Variants in BAZ2B observed in about 807,000 individuals in gnomAD.
The protein encoded by BAZ2B is bromodomain adjacent to zinc finger domain protein 2B.
Under a neutral mutation model 246.0 loss-of-function variants are expected in BAZ2B, and 91 were observed. The ratio of observed to expected loss-of-function variants is 0.37; its 90% CI spans 0.31 to 0.44. BAZ2B has a LOEUF of 0.44. Ranked by LOEUF, BAZ2B falls within the 20% of genes least tolerant of loss-of-function variation. The probability of loss-of-function intolerance (pLI) is 1.00; values close to 1 mark genes in which losing one functional copy is unlikely to be tolerated. For missense variants in BAZ2B, 2,332 were observed against 2,533.7 expected, an observed-to-expected ratio of 0.92 and a Z score of 1.71; for synonymous variants, 855 against 860.0, an observed-to-expected ratio of 0.99 and a Z score of 0.10.
intron 2 of BAZ2B, among the ~76,000 whole-genome samples, chr2:159,495,764 A>G (rs1260565552): frequency 6.7e-6 from 1 of 148,278 alleles, no homozygotes; most frequent in African/African-American, 2.5e-5. Flanking sequence ...TTTTAATCGA[A>G]GAAGAAATAC....
chr2:159,592,936 C>T (rs1422498456), intron 1 of BAZ2B, among the ~76,000 whole-genome samples: 1 of 152,132 alleles, frequency 6.6e-6, no homozygotes, highest in African/African-American at 2.4e-5. Flanking sequence ...TCTTATTCAT[C>T]TCTTTATTCC....
chr2:159,393,444 G>A lies in BAZ2B; in HGVS notation c.3075+2325C>T, dbSNP rs78945880. Among the ~76,000 whole-genome samples the A allele has an allele frequency of 4.9e-4, 75 of 152,208 alleles. No homozygotes were observed. The East Asian group carries it at 0.011, about 23-fold the overall frequency. ...TATTTTGGTTTAATATTTTAACACA[G>A]TTGCCCTGCCATTTCTTTTCAAAGT... is the stretch of plus-strand genomic sequence containing the variant. On this transcript the variant is annotated intron_variant, in intron 20 of 36. Transcript: ENST00000392783.
chr2:159,448,263 T>G lies in BAZ2B; in HGVS notation c.481A>C (p.Asn161His), dbSNP rs1181058528. The change falls in exon 5 of 37, where the codon AAT (asparagine) becomes CAT (histidine). Residue 161 changes from asparagine to histidine, a missense_variant. This residue lies in a region of BAZ2B where 242 missense variants were observed against 237.4 expected (regional missense o/e 1.02). Transcript: ENST00000392783. ...SFHSRTSGKS[N>H]RNGPEKGVNG... is the part of the protein sequence containing the mutation. The stretch of plus-strand genomic sequence containing the variant: ...ATACCTTTTTCGGGACCATTTCGAT[T>G]ACTTTTTCCCGAAGTCCTTGAATGG... 1 of 1,612,566 alleles carries G rather than the reference T, an allele frequency of 6.2e-7. No homozygotes were observed. The highest frequency in any genetic ancestry group is 1.3e-5 in the African/African-American group (1 of 74,944).
chr2:159,421,364 G>A (rs2068715331), intron 13 of BAZ2B, among the ~76,000 whole-genome samples: 1 of 151,820 alleles, frequency 6.6e-6, no homozygotes, highest in Non-Finnish European at 1.5e-5. Context: ...TTGTGGAGAT[G>A]GAGTCTTGAT....
Position 159,480,368 on chromosome 2 carries a change from T to C in BAZ2B, c.-2-1647A>G, listed in dbSNP as rs144878755. ...GTACTTGGCATATAAGAGATCAATA[T>C]AAAATAGTCATTAACTTTTTATAGG... On this transcript the variant is annotated intron_variant, in intron 2 of 36. Coordinates refer to ENST00000392783, the MANE Select transcript of BAZ2B (RefSeq NM_013450.4). Among the ~76,000 whole-genome samples, 525 of 152,230 alleles carry C rather than the reference T, an allele frequency of 3.4e-3. 4 individuals carry two copies. The highest frequency in any genetic ancestry group is 5.9e-3 in the Non-Finnish European group (401 of 67,944).
At position 159,400,582 on chromosome 2, in the gene BAZ2B, A is replaced by T; in HGVS notation, c.2898+17T>A. On this transcript the variant is annotated intron_variant, in intron 17 of 36. Coordinates refer to ENST00000392783, the MANE Select transcript of BAZ2B (RefSeq NM_013450.4). ...ATGGCTAAATTACTTTAATTATATT[A>T]AATTTAAGACTTCTACCTCTAGAAT... 6.8e-7 allele frequency: 1 copy of T among 1,460,998 alleles called. No homozygotes were observed. The allele number at this position is 1,460,998 out of a possible 1,614,324, so 90.5% of individuals were successfully genotyped here.
the BAZ2B span, among the ~76,000 whole-genome samples, chr2:159,698,514 A>AC: frequency 1.1e-4 from 6 of 56,872 alleles, no homozygotes; most frequent in South Asian, 2.7e-3. Context: ...CCACCATCCC[A>AC]CAAAAAAAAA....
At chr2:159,704,671 T>C in the BAZ2B span, among the ~76,000 whole-genome samples, 1 of 151,950 alleles carries the variant, frequency 6.6e-6, no homozygotes, top group African/African-American at 2.4e-5. Flanking sequence ...TTAGTAGAGA[T>C]GGGCTTCACT....
chr2:159,440,514 CTTG>C (rs1436144303), intron 6 of BAZ2B, among the ~76,000 whole-genome samples: 1 of 61,416 alleles, frequency 1.6e-5, no homozygotes, highest in Non-Finnish European at 5.7e-5. Flanking sequence ...TGCAATGACT[CTTG>C]TTTTTTTTTT....
intron 16 of BAZ2B, 60 bp downstream of exon 16, chr2:159,404,789 C>T (rs1359450759): frequency 6.4e-6 from 9 of 1,400,314 alleles, no homozygotes; most frequent in Non-Finnish European, 6.9e-6. Context: ...ATGTACATTA[C>T]TAACAAATCC....
intron 14 of BAZ2B, among the ~76,000 whole-genome samples, chr2:159,407,037 A>C (rs1016850158): frequency 6.6e-5 from 10 of 151,170 alleles, no homozygotes; most frequent in African/African-American, 1.9e-4. Flanking sequence ...TACAGGCGTG[A>C]GCCAGCGTGC....
intron 17 of BAZ2B, among the ~76,000 whole-genome samples, chr2:159,400,131 ATC>A (rs1410814726): frequency 6.6e-6 from 1 of 152,178 alleles, no homozygotes; most frequent in Non-Finnish European, 1.5e-5. Flanking sequence ...GATGTCCTCT[ATC>A]TCTATTCTAA....
chr2:159,525,353 C>CTA (rs2084618390), intron 2 of BAZ2B, among the ~76,000 whole-genome samples: 2 of 152,260 alleles, frequency 1.3e-5, no homozygotes, highest in Non-Finnish European at 2.9e-5. Context: ...GCAGTAGCAC[C>CTA]TATAACACGC....
At chr2:159,397,436 G>T in intron 18 of BAZ2B, 47 bp from the exon 19 acceptor site, 1 of 1,296,050 alleles carries the variant, frequency 7.7e-7, no homozygotes, top group South Asian at 1.4e-5. Context: ...AGAAGATTTA[G>T]AACATGCTAA....
At chr2:159,544,462 T>C (rs560473611) in intron 2 of BAZ2B, among the ~76,000 whole-genome samples, 1 of 152,186 alleles carries the variant, frequency 6.6e-6, no homozygotes, top group Non-Finnish European at 1.5e-5. Context: ...TAAGTAGATG[T>C]TGATATCATT....
chr2:159,558,976 A>C (rs760210199), intron 1 of BAZ2B, among the ~76,000 whole-genome samples: 81 of 152,300 alleles, frequency 5.3e-4, no homozygotes, highest in Non-Finnish European at 8.7e-4. Flanking sequence ...CGGGTGGTTC[A>C]TGCCTGTAAT....
chr2:159,393,209 T>G (rs2063559448), intron 20 of BAZ2B, among the ~76,000 whole-genome samples: 2 of 151,554 alleles, frequency 1.3e-5, no homozygotes, highest in African/African-American at 4.9e-5. Context: ...TGGTGAGGAG[T>G]CTGAATTTTA....
chr2:159,457,703 A>C (rs1432713405), intron 3 of BAZ2B, among the ~76,000 whole-genome samples: 2 of 152,106 alleles, frequency 1.3e-5, no homozygotes, highest in Non-Finnish European at 2.9e-5. Flanking sequence ...CACAATTTTC[A>C]CATTTCCATT....
At chr2:159,699,020 T>C in the BAZ2B span, among the ~76,000 whole-genome samples, 2 of 152,194 alleles carry the variant, frequency 1.3e-5, no homozygotes, top group Non-Finnish European at 2.9e-5. Context: ...CAACATTTAT[T>C]GAGTGCCTAT....
Sources: allele counts gnomAD v4.1 joint callset (sites outside exome capture counted in the v4.1 genomes callset), GRCh38; gene constraint gnomAD v4.1.1; regional missense constraint gnomAD v4.1.1; transcripts MANE v1.5; gene names NCBI Gene and HGNC (gene_info 2026-07-23, HGNC 2026-07-21).